The following RNF180 variants were observed in gnomAD, a reference collection of about 807,000 sequenced individuals.
RNF180 encodes the protein ring finger protein 180.
Under a neutral mutation model 59.2 loss-of-function variants are expected in RNF180, and 38 were observed. The ratio of observed to expected loss-of-function variants is 0.64; its 90% CI spans 0.50 to 0.84. RNF180 has a LOEUF of 0.84. Ranked by LOEUF, RNF180 falls within the 40% of genes least tolerant of loss-of-function variation. RNF180 has a pLI of 0.00. For missense variants in RNF180, 705 were observed against 700.9 expected, an observed-to-expected ratio of 1.01 and a Z score of -0.07; for synonymous variants, 262 against 240.3, an observed-to-expected ratio of 1.09 and a Z score of -0.84.
rs113751413 is a variant in RNF180, at chr5:64,276,448, G to A, written c.1228-48738G>A. 9.3e-3 allele frequency among the ~76,000 whole-genome samples: 1,413 copies of A among 151,414 alleles called. 16 individuals carry two copies. The highest frequency in any genetic ancestry group is 0.032 in the African/African-American group (1,333 of 41,242). ...AGAAAGGAATAAAGCAGGAAAAGAG[G>A]CCCAAGAGATTTAGTAAAGGAGAGA... On this transcript the variant is annotated intron_variant, in intron 5 of 7. Coordinates refer to ENST00000389100, the MANE Select transcript of RNF180 (RefSeq NM_001113561.2).
chr5:64,170,930 T>G (rs998155076), intron 1 of RNF180, among the ~76,000 whole-genome samples: 3 of 152,232 alleles, frequency 2.0e-5, no homozygotes, highest in African/African-American at 7.2e-5. Context: ...TGGTTCTGTG[T>G]CTTGAAAGTC....
chr5:64,257,651 G>A (rs911933271), intron 5 of RNF180, among the ~76,000 whole-genome samples: 1 of 152,066 alleles, frequency 6.6e-6, no homozygotes, highest in Non-Finnish European at 1.5e-5. Context: ...CAGGGATATT[G>A]GTCTAAAATT....
chr5:64,289,757 T>C (rs1438748456), intron 5 of RNF180, among the ~76,000 whole-genome samples: 2 of 152,158 alleles, frequency 1.3e-5, no homozygotes, highest in Admixed American at 1.3e-4. Flanking sequence ...CATTTCTGAT[T>C]GTGTTTCTTT....
chr5:64,368,971 A>C (rs1746553015), intron 7 of RNF180, among the ~76,000 whole-genome samples: 2 of 152,168 alleles, frequency 1.3e-5, no homozygotes, highest in Non-Finnish European at 1.5e-5. Context: ...TATATACCCA[A>C]AGAACTATAA....
intron 5 of RNF180, among the ~76,000 whole-genome samples, chr5:64,303,016 T>A (rs564837081): frequency 6.6e-6 from 1 of 151,832 alleles, no homozygotes; most frequent in African/African-American, 2.4e-5. Flanking sequence ...ATGTTCTCTT[T>A]TTGTGTCTCT....
At chr5:64,224,959 G>C (rs2112166531) in intron 5 of RNF180, among the ~76,000 whole-genome samples, 1 of 152,284 alleles carries the variant, frequency 6.6e-6, no homozygotes, top group East Asian at 1.9e-4. Flanking sequence ...CCAAATGCTG[G>C]TCCCTTGACC....
At chr5:64,341,078 T>C (rs1304418653) in intron 7 of RNF180, among the ~76,000 whole-genome samples, 2 of 152,186 alleles carry the variant, frequency 1.3e-5, no homozygotes, top group Non-Finnish European at 2.9e-5. Context: ...TGGGATATGA[T>C]GCCTTCATTT....
intron 7 of RNF180, among the ~76,000 whole-genome samples, chr5:64,353,620 T>C (rs1005132742): frequency 6.6e-6 from 1 of 151,814 alleles, no homozygotes; most frequent in African/African-American, 2.4e-5. Flanking sequence ...TAACCTAATG[T>C]CAAGTATTAT....
intron 1 of RNF180, among the ~76,000 whole-genome samples, chr5:64,172,175 G>A (rs1749974244): frequency 6.6e-6 from 1 of 152,152 alleles, no homozygotes; most frequent in South Asian, 2.1e-4. Context: ...CACTTCAAAT[G>A]CATAGTGACT....
At chr5:64,308,930 C>A (rs906800136) in intron 5 of RNF180, among the ~76,000 whole-genome samples, 1 of 151,610 alleles carries the variant, frequency 6.6e-6, no homozygotes, top group African/African-American at 2.4e-5. Flanking sequence ...TGTTTCTGCT[C>A]TCCTCCTCCT....
At chr5:64,260,131 T>A (rs1292977339) in intron 5 of RNF180, among the ~76,000 whole-genome samples, 1 of 152,218 alleles carries the variant, frequency 6.6e-6, no homozygotes, top group Non-Finnish European at 1.5e-5. Context: ...ATATGTAATT[T>A]ACATATTTAT....
At chr5:64,304,320 T>C (rs1743322857) in intron 5 of RNF180, among the ~76,000 whole-genome samples, 1 of 151,582 alleles carries the variant, frequency 6.6e-6, no homozygotes, top group African/African-American at 2.4e-5. Flanking sequence ...GAAATACATT[T>C]ACTAAGGCTA....
chr5:64,276,459 T>G (rs1284226694), intron 5 of RNF180, among the ~76,000 whole-genome samples: 1 of 151,196 alleles, frequency 6.6e-6, no homozygotes, highest in Non-Finnish European at 1.5e-5. Context: ...CCCAAGAGAT[T>G]TAGTAAAGGA....
intron 1 of RNF180, among the ~76,000 whole-genome samples, chr5:64,196,143 C>G (rs935441290): frequency 6.6e-6 from 1 of 151,286 alleles, no homozygotes; most frequent in Non-Finnish European, 1.5e-5. Flanking sequence ...ATGGAAACAC[C>G]TGTAACCTAA....
intron 7 of RNF180, among the ~76,000 whole-genome samples, chr5:64,362,690 A>G (rs192764707): frequency 6.6e-6 from 1 of 151,906 alleles, no homozygotes; most frequent in East Asian, 1.9e-4. Context: ...GGCTGAACTA[A>G]TTTACACTCC....
At chr5:64,269,769 G>A (rs1027733558) in intron 5 of RNF180, among the ~76,000 whole-genome samples, 7 of 152,032 alleles carry the variant, frequency 4.6e-5, no homozygotes, top group Admixed American at 3.9e-4. Context: ...ATTTTCAATG[G>A]AGTACCAAAC....
intron 1 of RNF180, among the ~76,000 whole-genome samples, chr5:64,191,131 G>T (rs1392071323): frequency 6.6e-6 from 1 of 152,058 alleles, no homozygotes; most frequent in African/African-American, 2.4e-5. Context: ...TAAATTTGTA[G>T]ACTATTTTTA....
Position 64,214,239 on chromosome 5 carries a change from CAAAG to C in RNF180, c.915_918del (p.Arg306GlufsTer8), listed in dbSNP as rs1752492451. On this transcript the variant is annotated frameshift_variant, in exon 4 of 8. Transcript: ENST00000389100. LOFTEE classifies it high-confidence loss of function. ...AGTGGCCCCCCATGAGACCCAGACA[CAAAG>C]AGGAGGAGAATTTCAGTGTGGTCTA... 3 of 1,614,006 alleles carry C rather than the reference CAAAG, an allele frequency of 1.9e-6. No individual in the cohort carries two copies. The highest frequency in any genetic ancestry group is 2.5e-6 in the Non-Finnish European group (3 of 1,179,984).
At chr5:64,235,699 G>T (rs1467177162) in intron 5 of RNF180, among the ~76,000 whole-genome samples, 1 of 152,088 alleles carries the variant, frequency 6.6e-6, no homozygotes, top group Non-Finnish European at 1.5e-5. Flanking sequence ...ATTACAGGGT[G>T]GGACCTGGTG....
Sources: allele counts gnomAD v4.1 joint callset (sites outside exome capture counted in the v4.1 genomes callset), GRCh38; gene constraint gnomAD v4.1.1; transcripts MANE v1.5; gene names NCBI Gene and HGNC (gene_info 2026-07-23, HGNC 2026-07-21).